ZBTB24: variants seen among roughly 807,000 people sequenced by gnomAD.
ZBTB24 encodes the protein zinc finger and BTB domain containing 24.
Under a neutral mutation model 53.8 loss-of-function variants are expected in ZBTB24, and 32 were observed. That is an observed-to-expected ratio of 0.60 (90% CI 0.45 to 0.80). The LOEUF (loss-of-function observed/expected upper bound fraction) is 0.80. ZBTB24 is among the 30% of genes least tolerant of loss of function. The pLI is 0.00. For missense variants in ZBTB24, 722 were observed against 837.1 expected, an observed-to-expected ratio of 0.86 and a Z score of 1.70; for synonymous variants, 297 against 306.7, an observed-to-expected ratio of 0.97 and a Z score of 0.33.
intron 6 of ZBTB24, 81 bp downstream of exon 6, chr6:109,467,570 CTA>C: frequency 6.2e-7 from 1 of 1,605,624 alleles, no homozygotes; most frequent in Non-Finnish European, 8.5e-7. Flanking sequence ...TGGGAGAAAA[CTA>C]TATAGGTAAC....
rs575769520 is a variant in ZBTB24 at position 109,465,416 on chromosome 6, AG to A, written c.*434del. 5.6e-6 allele frequency: 3 copies of A among 538,626 alleles called. No individual in the cohort carries two copies. Among genetic ancestry groups the A allele is most frequent in the Non-Finnish European group, 9.8e-6 (3 of 305,000 alleles). 33.4% of individuals were successfully genotyped at this position (538,626 alleles called of 1,614,324 possible). ...CTTGTGGTAACAACTGTGTTGCCTA[AG>A]AAAAATAAGAAAATAGAACAAACCA... On this transcript the variant is annotated 3_prime_UTR_variant, in exon 7 of 7. Coordinates refer to ENST00000230122, the MANE Select transcript of ZBTB24 (RefSeq NM_014797.3).
intron 2 of ZBTB24, among the ~76,000 whole-genome samples, chr6:109,480,481 T>C (rs1368333559): frequency 6.6e-6 from 1 of 152,212 alleles, no homozygotes. Flanking sequence ...GCCACCATAT[T>C]GGACATCAGA....
rs1315738940 is a variant in ZBTB24 at position 109,463,094 on chromosome 6, C to G, written c.*2757G>C. ...CTCCGCCTCCTGGGTTCAAGTGATTCTCCTGTCTCAGCCTCCCGAGTAGCT... is the reference window on the plus strand; with the variant it reads ...CTCCGCCTCCTGGGTTCAAGTGATTGTCCTGTCTCAGCCTCCCGAGTAGCT... On this transcript the variant is annotated 3_prime_UTR_variant, in exon 7 of 7. Coordinates refer to ENST00000230122, the MANE Select transcript of ZBTB24 (RefSeq NM_014797.3). 6.6e-6 allele frequency: 1 copy of G among 152,290 alleles called. No individual in the cohort carries two copies. Among genetic ancestry groups the G allele is most frequent in the African/African-American group, 2.4e-5 (1 of 41,438 alleles). 9.4% of individuals were successfully genotyped at this position (152,290 alleles called of 1,614,324 possible). A position where few individuals can be genotyped will look rare whatever the true frequency, so the allele number is the denominator to read the frequency against.
At chr6:109,473,441 A>C (rs1413255139) in intron 5 of ZBTB24, among the ~76,000 whole-genome samples, 1 of 151,564 alleles carries the variant, frequency 6.6e-6, no homozygotes, top group African/African-American at 2.4e-5. Context: ...CGGCTGGCTC[A>C]CTCCCCCACT....
rs964447365 is a variant in ZBTB24, at chr6:109,475,262, A to C, written c.1288+137T>G. On this transcript the variant is annotated intron_variant, in intron 5 of 6. Transcript: ENST00000230122. ...CATTCTGCCTTCCAACTTTTAACTT[A>C]TCTTCTTACACAACTCCCATCCAAT... The C allele has an allele frequency of 3.8e-6, 4 of 1,047,194 alleles. No individual in the cohort carries two copies. The East Asian group carries it at 1.0e-4, about 27-fold the overall frequency. The allele number at this position is 1,047,194 out of a possible 1,614,324, so 64.9% of individuals were successfully genotyped here.
chr6:109,481,724 G>A lies in ZBTB24; in HGVS notation c.303C>T (p.Ala101=), dbSNP rs1313187094. ...LEFIYTGYLH[A]SEKSTEQILA... ...GGATTTGTTCTGTACTTTTCTCACT[G>A]GCATGGAGATAACCTGTGTAGATAA... The change falls in exon 2 of 7, where the codon GCC becomes GCT. Residue 101 remains alanine (A), a synonymous_variant. Coordinates refer to ENST00000230122, the MANE Select transcript of ZBTB24 (RefSeq NM_014797.3). 6.2e-7 allele frequency: 1 copy of A among 1,614,070 alleles called. No individual in the cohort carries two copies. Among genetic ancestry groups the A allele is most frequent in the East Asian group, 2.2e-5 (1 of 44,906 alleles).
chr6:109,467,555 A>G, intron 6 of ZBTB24, 98 bp downstream of exon 6: 1 of 1,593,586 alleles, frequency 6.3e-7, no homozygotes, highest in Non-Finnish European at 8.5e-7. Flanking sequence ...CTGCAAAGTA[A>G]CAACTGGGAG....
At chr6:109,467,625 T>C (rs1309633912) in intron 6 of ZBTB24, 28 bp downstream of exon 6, 3 of 1,614,138 alleles carry the variant, frequency 1.9e-6, no homozygotes, top group Non-Finnish European at 8.5e-7. Context: ...GAGGCCTCCA[T>C]GCGAGAAAAA....
In ZBTB24 at chr6:109,476,767, G is replaced by A. The variant is rs1044799610; in HGVS notation, c.1116C>T (p.His372=). The change falls in exon 3 of 7, where the codon CAC becomes CAT. Residue 372 remains histidine, a synonymous_variant. Transcript: ENST00000230122. ...KHSLLEHMSL[H]SGQKSFTCDQ... ...CCTCTGGGCAAGCCCCACTACCTGA[G>A]TGCAGGCTCATGTGCTCCAGCAGTG... 1 of 1,613,134 alleles carries A rather than the reference G, an allele frequency of 6.2e-7. No homozygotes were observed. The highest frequency in any genetic ancestry group is 1.3e-5 in the African/African-American group (1 of 75,060).
rs1051090966 is a variant in ZBTB24, at chr6:109,465,064, A to T, written c.*787T>A. 1 of 152,292 alleles carries T rather than the reference A, an allele frequency of 6.6e-6. No individual in the cohort carries two copies. The highest frequency in any genetic ancestry group is 2.4e-5 in the African/African-American group (1 of 41,472). The allele number at this position is 152,292 out of a possible 1,614,324, so 9.4% of individuals were successfully genotyped here. A position where few individuals can be genotyped will look rare whatever the true frequency, so the allele number is the denominator to read the frequency against. On this transcript the variant is annotated 3_prime_UTR_variant, in exon 7 of 7. Coordinates refer to ENST00000230122, the MANE Select transcript of ZBTB24 (RefSeq NM_014797.3). Reference sequence around the variant, plus strand: ...CTTTTCTGACAAAAATTCAGAATTTAGGGTGAATGTCTTGATCCAATTTTG... The same window carrying T: ...CTTTTCTGACAAAAATTCAGAATTTTGGGTGAATGTCTTGATCCAATTTTG...
At chr6:109,476,658 G>T (rs896249904) in intron 3 of ZBTB24, 105 bp downstream of exon 3, 2 of 1,459,840 alleles carry the variant, frequency 1.4e-6, no homozygotes, top group Admixed American at 2.0e-5. Context: ...ATGACACCAC[G>T]TTGGAAATGA....
At chr6:109,480,906 G>A (rs1776391143) in intron 2 of ZBTB24, 169 bp downstream of exon 2, 3 of 1,434,612 alleles carry the variant, frequency 2.1e-6, no homozygotes, top group Non-Finnish European at 1.8e-6. Context: ...GTATAATGAG[G>A]ATATTACCCA....
intron 2 of ZBTB24, 87 bp downstream of exon 2, chr6:109,480,988 G>T (rs1392118923): frequency 6.4e-7 from 1 of 1,570,290 alleles, no homozygotes; most frequent in South Asian, 1.2e-5. Flanking sequence ...CCATCACACA[G>T]AAGTTGCACA....
At chr6:109,473,902 T>G (rs1313871547) in intron 5 of ZBTB24, among the ~76,000 whole-genome samples, 6 of 151,276 alleles carry the variant, frequency 4.0e-5, no homozygotes, top group Admixed American at 1.3e-4. Context: ...CTGGCTAACA[T>G]GCCAAAACCC....
At chr6:109,471,057 G>T (rs1459577891) in intron 5 of ZBTB24, among the ~76,000 whole-genome samples, 1 of 152,212 alleles carries the variant, frequency 6.6e-6, no homozygotes, top group Non-Finnish European at 1.5e-5. Flanking sequence ...TTTCACAATT[G>T]TGCAGTTTAT....
At chr6:109,470,683 G>A (rs1325368767) in intron 5 of ZBTB24, among the ~76,000 whole-genome samples, 1 of 152,180 alleles carries the variant, frequency 6.6e-6, no homozygotes, top group Non-Finnish European at 1.5e-5. Flanking sequence ...TCCCACTGTG[G>A]ACCACGGCTT....
intron 3 of ZBTB24, 104 bp downstream of exon 3, chr6:109,476,659 T>C (rs528270892): frequency 6.8e-7 from 1 of 1,465,004 alleles, no homozygotes; most frequent in Non-Finnish European, 9.2e-7. Context: ...TGACACCACG[T>C]TGGAAATGAT....
chr6:109,478,896 G>T (rs1388285397), intron 2 of ZBTB24, among the ~76,000 whole-genome samples: 1 of 151,636 alleles, frequency 6.6e-6, no homozygotes, highest in African/African-American at 2.4e-5. Flanking sequence ...GCTCATAGAG[G>T]TAAGATAATA....
At chr6:109,480,855 C>T in intron 2 of ZBTB24, 2 of 814,474 alleles carry the variant, frequency 2.5e-6, no homozygotes, top group Non-Finnish European at 3.0e-6. Flanking sequence ...CTTTAGCAAC[C>T]CTCTCTTACA....
Sources: gnomAD v4.1 joint callset for allele counts (sites outside exome capture counted in the v4.1 genomes callset) on GRCh38, gnomAD v4.1.1 for gene constraint, MANE v1.5 for transcripts, NCBI Gene and HGNC (gene_info 2026-07-23, HGNC 2026-07-21) for gene names.